The following RASAL2 variants were observed in gnomAD, a reference collection of about 807,000 sequenced individuals.
RASAL2 encodes RAS protein activator like 2.
In RASAL2, 58 loss-of-function variants were observed where a neutral mutation model predicts 128.9. The ratio of observed to expected loss-of-function variants is 0.45; its 90% confidence interval spans 0.36 to 0.56. The LOEUF (loss-of-function observed/expected upper bound fraction) is 0.56, where lower values mean the gene tolerates loss of function less well. Ranked by LOEUF, RASAL2 falls within the 20% of genes least tolerant of loss-of-function variation. The probability of loss-of-function intolerance (pLI) is 0.00; values close to 1 mark genes in which losing one functional copy is unlikely to be tolerated. For missense variants in RASAL2, 1,360 were observed against 1,601.6 expected, an observed-to-expected ratio of 0.85 and a Z score of 2.57; for synonymous variants, 561 against 580.8, an observed-to-expected ratio of 0.97 and a Z score of 0.49.
intron 1 of RASAL2, among the ~76,000 whole-genome samples, chr1:178,267,763 A>C (rs973024208): frequency 8.6e-5 from 13 of 151,266 alleles, no homozygotes; most frequent in African/African-American, 2.7e-4. Context: ...TGACCTCGTG[A>C]TCACCCACCT....
intron 14 of RASAL2, 32 bp from the exon 15 acceptor site, chr1:178,464,246 A>G (rs1321030474): frequency 1.3e-6 from 2 of 1,582,898 alleles, no homozygotes; most frequent in Admixed American, 3.5e-5. Context: ...GTGAGCTGTT[A>G]GGGGAAATGC....
chr1:178,367,587 TTG>T (rs1258451750), intron 3 of RASAL2, among the ~76,000 whole-genome samples: 1 of 152,096 alleles, frequency 6.6e-6, no homozygotes, highest in African/African-American at 2.4e-5. Flanking sequence ...AGCACTGATA[TTG>T]TTGAATGAAT....
At chr1:178,208,549 A>G (rs1171166664) in intron 1 of RASAL2, among the ~76,000 whole-genome samples, 2 of 152,166 alleles carry the variant, frequency 1.3e-5, no homozygotes, top group Non-Finnish European at 2.9e-5. Flanking sequence ...GTTGTTTAAG[A>G]TGTTTATCAA....
rs1392717100 is a variant in RASAL2, at chr1:178,445,570, A to T, written c.1535A>T (p.Asp512Val). ...MSEVDRCGEH[D>V]VLIFRENTIA... The stretch of plus-strand genomic sequence containing the variant: ...GAGGTGGATCGTTGTGGAGAGCATG[A>T]TGTCTTGATCTTCAGAGAGAACACT... The change falls in exon 9 of 18, where the codon GAT becomes GTT. Residue 512 changes from aspartate to valine, a missense_variant. Around this residue, in one of 3 missense-constraint regions of RASAL2, gnomAD observed 617 missense variants for 714.2 expected, o/e 0.86. Coordinates refer to ENST00000367649, the MANE Select transcript of RASAL2 (RefSeq NM_170692.4). The T allele has an allele frequency of 6.2e-7, 1 of 1,613,920 alleles. No individual in the cohort carries two copies. The highest frequency in any genetic ancestry group is 1.7e-5 in the Admixed American group (1 of 60,008).
chr1:178,370,486 G>A (rs1169111575), intron 3 of RASAL2, among the ~76,000 whole-genome samples: 1 of 152,144 alleles, frequency 6.6e-6, no homozygotes, highest in Non-Finnish European at 1.5e-5. Context: ...ATTTTTTGTA[G>A]TTATTTTGAG....
chr1:178,408,650 A>G (rs1674151536), intron 4 of RASAL2, among the ~76,000 whole-genome samples: 2 of 139,366 alleles, frequency 1.4e-5, no homozygotes, highest in African/African-American at 6.1e-5. Flanking sequence ...TTTTTTCCTC[A>G]TATTTTGAAT....
At chr1:178,130,856 C>A (rs1050256140) in intron 1 of RASAL2, among the ~76,000 whole-genome samples, 2 of 151,942 alleles carry the variant, frequency 1.3e-5, no homozygotes, top group East Asian at 1.9e-4. Flanking sequence ...AGATCGAGAC[C>A]ATCCTGGCTA....
chr1:178,472,058 G>C (rs559472900), intron 17 of RASAL2, among the ~76,000 whole-genome samples: 6 of 152,110 alleles, frequency 3.9e-5, no homozygotes, highest in Non-Finnish European at 8.8e-5. Flanking sequence ...GTTGTTTTCT[G>C]AAAACTATAG....
At chr1:178,458,601 T>C (rs1677956715) in intron 14 of RASAL2, 57 bp downstream of exon 14, 1 of 1,500,964 alleles carries the variant, frequency 6.7e-7, no homozygotes, top group African/African-American at 1.4e-5. Context: ...TTTCCTTGGT[T>C]CTTTATACAT....
chr1:178,275,938 A>G (rs896932218), intron 1 of RASAL2, among the ~76,000 whole-genome samples: 1 of 152,232 alleles, frequency 6.6e-6, no homozygotes, highest in Non-Finnish European at 1.5e-5. Flanking sequence ...AAGACACAAT[A>G]TAAATTTATT....
At chr1:178,359,146 G>A (rs1039384017) in intron 3 of RASAL2, among the ~76,000 whole-genome samples, 3 of 152,074 alleles carry the variant, frequency 2.0e-5, no homozygotes, top group Non-Finnish European at 2.9e-5. Context: ...CTATACATTC[G>A]TTGTAATTCC....
chr1:178,394,598 A>C (rs1673106457), intron 4 of RASAL2, among the ~76,000 whole-genome samples: 1 of 152,202 alleles, frequency 6.6e-6, no homozygotes, highest in Non-Finnish European at 1.5e-5. Context: ...TGCTAGGCTT[A>C]GTGTTCTGAT....
At chr1:178,467,250 C>T in intron 16 of RASAL2, 84 bp from the exon 17 acceptor site, 1 of 1,040,474 alleles carries the variant, frequency 9.6e-7, no homozygotes, top group Non-Finnish European at 1.5e-6. Context: ...TTAAAAAGGG[C>T]AGAGGATATT....
At position 178,326,502 on chromosome 1, in the gene RASAL2, C is replaced by A. The variant is rs1261856500; in HGVS notation, c.457+26384C>A. Among the ~76,000 whole-genome samples the A allele has an allele frequency of 3.3e-5, 5 of 152,034 alleles. No individual in the cohort carries two copies. The East Asian group carries it at 9.6e-4, about 29-fold the overall frequency. ...TGCTATTTCAGAATTGATTATTGTACTAAAAGTTTATGTCTCAGAAAATAT... is the reference window on the plus strand; with the variant it reads ...TGCTATTTCAGAATTGATTATTGTAATAAAAGTTTATGTCTCAGAAAATAT... On this transcript the variant is annotated intron_variant, in intron 3 of 17. Transcript: ENST00000367649.
chr1:178,209,449 G>T (rs528482028), intron 1 of RASAL2, among the ~76,000 whole-genome samples: 1 of 152,180 alleles, frequency 6.6e-6, no homozygotes, highest in Non-Finnish European at 1.5e-5. Context: ...GTATTTTAGA[G>T]GCATTCAGTG....
At chr1:178,386,932 GC>G (rs1240619369) in intron 3 of RASAL2, among the ~76,000 whole-genome samples, 2 of 152,178 alleles carry the variant, frequency 1.3e-5, no homozygotes, top group African/African-American at 4.8e-5. Flanking sequence ...TTTCCTTTCT[GC>G]TTACAGATTT....
At position 178,390,169 on chromosome 1, in the gene RASAL2, C is replaced by A. The variant is rs200536697; in HGVS notation, c.527C>A (p.Ser176Tyr). The change falls in exon 4 of 18, where the codon TCC (serine) becomes TAC (tyrosine). Residue 176 changes from serine to tyrosine, a missense_variant. Ser to Tyr is a moderately radical substitution (Grantham distance 144). Coordinates refer to ENST00000367649, the MANE Select transcript of RASAL2 (RefSeq NM_170692.4). Reference protein sequence around the residue: ...SGTSTSEKPNSMDTANTSPFK... With the variant: ...SGTSTSEKPNYMDTANTSPFK... ...ACCAGTACATCAGAGAAACCCAACT[C>A]CATGGACACTGCAAATACCTCACCC... 1 of 1,612,890 alleles carries A rather than the reference C, an allele frequency of 6.2e-7. No homozygotes were observed. The highest frequency in any genetic ancestry group is 8.5e-7 in the Non-Finnish European group (1 of 1,179,222).
rs74131369 is a variant in RASAL2, at chr1:178,463,847, T to A, written c.3253-431T>A. 5.8e-3 allele frequency among the ~76,000 whole-genome samples: 878 copies of A among 152,302 alleles called. 11 individuals are homozygous for A. Among genetic ancestry groups the A allele is most frequent in the African/African-American group, 0.02 (816 of 41,576 alleles). ...TTTTGGTTTCTGATTGTGTCTGGGCTAAACAGATATTTTGACCATCAGGTT... is the reference window on the plus strand; with the variant it reads ...TTTTGGTTTCTGATTGTGTCTGGGCAAAACAGATATTTTGACCATCAGGTT... On this transcript the variant is annotated intron_variant, in intron 14 of 17. Coordinates refer to ENST00000367649, the MANE Select transcript of RASAL2 (RefSeq NM_170692.4).
intron 1 of RASAL2, among the ~76,000 whole-genome samples, chr1:178,272,668 C>T (rs984510296): frequency 1.1e-4 from 17 of 152,266 alleles, no homozygotes; most frequent in Middle Eastern, 3.4e-3. Context: ...GTTGCTTAGC[C>T]TGTAATCCTA....
Sources: allele counts gnomAD v4.1 joint callset (sites outside exome capture counted in the v4.1 genomes callset), GRCh38; gene constraint gnomAD v4.1.1; regional missense constraint gnomAD v4.1.1; transcripts MANE v1.5; gene names NCBI Gene and HGNC (gene_info 2026-07-23, HGNC 2026-07-21).